TENM2: variants seen among roughly 807,000 people sequenced by gnomAD.
TENM2 encodes the protein teneurin-2.
TENM2 carries 52 observed loss-of-function variants against 245.2 expected under a neutral mutation model. The observed-to-expected ratio is 0.21, with a 90% CI of 0.17 to 0.27. The LOEUF (loss-of-function observed/expected upper bound fraction) is 0.27. TENM2 is among the 10% of genes least tolerant of loss of function. The pLI is 1.00. For synonymous variants in TENM2, 1,363 were observed against 1,438.9 expected (o/e 0.95, Z 1.19); for missense variants, 3,046 against 3,666.8 (o/e 0.83, Z 4.37).
chr5:167,080,235 GAT>G, the TENM2 span, among the ~76,000 whole-genome samples: 2 of 152,258 alleles, frequency 1.3e-5, no homozygotes, highest in South Asian at 4.1e-4. Context: ...TAAATGATAA[GAT>G]ATTGGTATTG....
At chr5:167,822,941 C>T (rs1159454074) in intron 2 of TENM2, among the ~76,000 whole-genome samples, 8 of 152,124 alleles carry the variant, frequency 5.3e-5, no homozygotes, top group Non-Finnish European at 1.2e-4. Context: ...AGGTGATAAA[C>T]GTTTTATTAA....
intron 2 of TENM2, among the ~76,000 whole-genome samples, chr5:167,858,446 C>G (rs757461081): frequency 6.6e-6 from 1 of 152,252 alleles, no homozygotes; most frequent in Non-Finnish European, 1.5e-5. Flanking sequence ...ACCTCACATG[C>G]AAACTCCTCA....
intron 2 of TENM2, among the ~76,000 whole-genome samples, chr5:167,621,002 C>A (rs1424159831): frequency 6.6e-6 from 1 of 152,074 alleles, no homozygotes; most frequent in African/African-American, 2.4e-5. Flanking sequence ...CATTTTCTTG[C>A]AGATCCCAAT....
intron 3 of TENM2, among the ~76,000 whole-genome samples, chr5:167,880,650 G>C (rs929726587): frequency 2.0e-5 from 3 of 152,136 alleles, no homozygotes; most frequent in Admixed American, 2.0e-4. Flanking sequence ...TGGATTCTTA[G>C]TAACATCATA....
At chr5:167,420,544 C>A (rs575243024) in intron 2 of TENM2, among the ~76,000 whole-genome samples, 5 of 152,270 alleles carry the variant, frequency 3.3e-5, no homozygotes, top group Admixed American at 6.5e-5. Context: ...AATCCCATTT[C>A]CAATTTAGGG....
chr5:168,183,105 C>T (rs1427576047), intron 13 of TENM2, among the ~76,000 whole-genome samples: 2 of 152,168 alleles, frequency 1.3e-5, no homozygotes, highest in Non-Finnish European at 2.9e-5. Flanking sequence ...GCTGGGATTA[C>T]AGGCGTGAGC....
chr5:167,600,491 A>T (rs578137243), intron 2 of TENM2, among the ~76,000 whole-genome samples: 1 of 152,302 alleles, frequency 6.6e-6, no homozygotes, highest in Admixed American at 6.5e-5. Flanking sequence ...CTGAAAATAG[A>T]TCCACAAATG....
At chr5:167,391,622 CAAAAAAA>C (rs56202184) in intron 2 of TENM2, among the ~76,000 whole-genome samples, 6 of 53,512 alleles carry the variant, frequency 1.1e-4, no homozygotes, top group African/African-American at 3.7e-4. Flanking sequence ...AAGACTTCAT[CAAAAAAA>C]AAAAAAAAAA....
intron 3 of TENM2, among the ~76,000 whole-genome samples, chr5:167,928,466 A>G (rs575977832): frequency 6.6e-6 from 1 of 152,352 alleles, no homozygotes; most frequent in South Asian, 2.1e-4. Flanking sequence ...TGTTAGGCAG[A>G]TAGCTAGAGC....
chr5:167,640,842 C>CATATATATATATATCCATAT (rs1561628529), intron 2 of TENM2, among the ~76,000 whole-genome samples: 10 of 75,490 alleles, frequency 1.3e-4, no homozygotes, highest in African/African-American at 3.5e-4. Flanking sequence ...TATATATATC[C>CATATATATATATATCCATAT]ATATATATAT....
chr5:167,811,494 G>A (rs1766635336), intron 2 of TENM2, among the ~76,000 whole-genome samples: 1 of 152,036 alleles, frequency 6.6e-6, no homozygotes, highest in Non-Finnish European at 1.5e-5. Flanking sequence ...AGAGGCAGGT[G>A]CCACGCTTCT....
chr5:167,928,888 C>G (rs1349345151), intron 3 of TENM2, among the ~76,000 whole-genome samples: 3 of 103,136 alleles, frequency 2.9e-5, no homozygotes, highest in African/African-American at 4.7e-5. Context: ...AGAGGGAGAC[C>G]CTGGCTCAAA....
the TENM2 span, among the ~76,000 whole-genome samples, chr5:167,248,932 C>T: frequency 6.6e-6 from 1 of 152,042 alleles, no homozygotes; most frequent in Non-Finnish European, 1.5e-5. Flanking sequence ...TGCAGGCCCC[C>T]AAAAGAATTT....
At chr5:167,892,280 C>T (rs773053481) in intron 3 of TENM2, among the ~76,000 whole-genome samples, 4 of 152,152 alleles carry the variant, frequency 2.6e-5, no homozygotes, top group Admixed American at 1.3e-4. Context: ...AAATACAGTT[C>T]CTTATAAATA....
chr5:167,428,478 A>G (rs964695067), intron 2 of TENM2, among the ~76,000 whole-genome samples: 1 of 152,224 alleles, frequency 6.6e-6, no homozygotes, highest in Non-Finnish European at 1.5e-5. Context: ...AAAACATGCT[A>G]GTAAAACTGT....
the TENM2 span, among the ~76,000 whole-genome samples, chr5:167,060,667 A>G: frequency 9.2e-5 from 14 of 151,632 alleles, 1 homozygote; most frequent in Non-Finnish European, 1.3e-4. Context: ...AAAAAAAAAA[A>G]AGAAATACAT....
chr5:168,151,006 C>G (rs932059237), intron 12 of TENM2, among the ~76,000 whole-genome samples: 1 of 152,102 alleles, frequency 6.6e-6, no homozygotes, highest in African/African-American at 2.4e-5. Context: ...CTGTTGCTTG[C>G]CTCCCCTCTG....
chr5:168,064,888 C>T (rs1193707203), intron 7 of TENM2, among the ~76,000 whole-genome samples: 1 of 152,204 alleles, frequency 6.6e-6, no homozygotes, highest in African/African-American at 2.4e-5. Context: ...AAGAAAAAGA[C>T]TCCGTATGTA....
chr5:167,084,722 G>A, the TENM2 span, among the ~76,000 whole-genome samples: 1 of 151,984 alleles, frequency 6.6e-6, no homozygotes, highest in African/African-American at 2.4e-5. Context: ...ACTCAGGGTG[G>A]CATGATGTTT....
Sources: allele counts gnomAD v4.1 joint callset (sites outside exome capture counted in the v4.1 genomes callset), GRCh38; gene constraint gnomAD v4.1.1; transcripts MANE v1.5; gene names NCBI Gene and HGNC (gene_info 2026-07-23, HGNC 2026-07-21).